PDE4D: variants seen among roughly 807,000 people sequenced by gnomAD.
The protein encoded by PDE4D is phosphodiesterase 4D.
PDE4D carries 24 observed loss-of-function variants against 87.4 expected under a neutral mutation model. The ratio of observed to expected loss-of-function variants is 0.27; its 90% CI spans 0.20 to 0.39. The LOEUF (loss-of-function observed/expected upper bound fraction) is 0.39, where lower values mean the gene tolerates loss of function less well. Among genes scored for constraint, PDE4D ranks in the 10% least tolerant of loss-of-function variants. The probability of loss-of-function intolerance (pLI) is 1.00; values close to 1 mark genes in which losing one functional copy is unlikely to be tolerated. For missense variants in PDE4D, 714 were observed against 1,041.0 expected, an observed-to-expected ratio of 0.69 and a Z score of 4.32; for synonymous variants, 384 against 383.2, an observed-to-expected ratio of 1.00 and a Z score of -0.02.
At chr5:59,933,969 G>A (rs1756276852) in intron 3 of PDE4D, among the ~76,000 whole-genome samples, 1 of 152,072 alleles carries the variant, frequency 6.6e-6, no homozygotes, top group Non-Finnish European at 1.5e-5. Context: ...GATTATAGAA[G>A]GTGAGGGTTT....
chr5:59,098,676 C>T (rs1169083436), intron 5 of PDE4D, among the ~76,000 whole-genome samples: 4 of 122,654 alleles, frequency 3.3e-5, no homozygotes, highest in African/African-American at 9.3e-5. Flanking sequence ...TACACTCCAG[C>T]CTGGGTGACA....
chr5:60,438,820 T>A (rs919274289), intron 1 of PDE4D, among the ~76,000 whole-genome samples: 2 of 151,912 alleles, frequency 1.3e-5, no homozygotes, highest in Non-Finnish European at 2.9e-5. Context: ...CAAAGTAGCA[T>A]TTTTTTTCCT....
chr5:59,109,002 T>TGTGTGTGTGG (rs1554071099), intron 5 of PDE4D, among the ~76,000 whole-genome samples: 2 of 143,296 alleles, frequency 1.4e-5, no homozygotes, highest in African/African-American at 5.2e-5. Context: ...TGTGTGTGTG[T>TGTGTGTGTGG]GGTGTAGGCC....
chr5:59,309,008 G>A (rs1011002933), intron 1 of PDE4D, among the ~76,000 whole-genome samples: 2 of 152,060 alleles, frequency 1.3e-5, no homozygotes, highest in African/African-American at 4.8e-5. Flanking sequence ...GAGTCATGCA[G>A]GTTGTCAGGG....
intron 2 of PDE4D, among the ~76,000 whole-genome samples, chr5:60,019,892 TA>T (rs1474235315): frequency 6.6e-6 from 1 of 152,082 alleles, no homozygotes; most frequent in African/African-American, 2.4e-5. Context: ...CAAGAACTTT[TA>T]TTTTTTTTTT....
chr5:60,477,755 T>C (rs77540604), intron 1 of PDE4D, among the ~76,000 whole-genome samples: 2,458 of 152,316 alleles, frequency 0.016, 34 homozygotes, highest in South Asian at 0.038. Context: ...ACAACTGGAC[T>C]TGCCCATGCT....
intron 1 of PDE4D, among the ~76,000 whole-genome samples, chr5:60,432,236 G>A (rs1274544690): frequency 6.6e-6 from 1 of 152,158 alleles, no homozygotes; most frequent in Non-Finnish European, 1.5e-5. Context: ...TTATGTCTTT[G>A]CTTTGTCTTT....
chr5:59,099,086 T>C (rs941743862), intron 5 of PDE4D, among the ~76,000 whole-genome samples: 4 of 152,222 alleles, frequency 2.6e-5, no homozygotes, highest in Non-Finnish European at 4.4e-5. Flanking sequence ...CTTTATTATA[T>C]TGGTTACTAA....
intron 1 of PDE4D, among the ~76,000 whole-genome samples, chr5:59,487,945 T>C (rs176705): frequency 6.6e-6 from 1 of 152,274 alleles, no homozygotes; most frequent in Non-Finnish European, 1.5e-5. Context: ...CTGTCTGCCA[T>C]AGTATTTCTT....
chr5:60,417,270 G>T (rs1172340687), intron 1 of PDE4D, among the ~76,000 whole-genome samples: 2 of 152,184 alleles, frequency 1.3e-5, no homozygotes, highest in African/African-American at 4.8e-5. Flanking sequence ...ACGGATGAGA[G>T]AACTGAGATT....
At chr5:60,095,052 TTTAC>T (rs1225492779) in intron 2 of PDE4D, among the ~76,000 whole-genome samples, 2 of 152,180 alleles carry the variant, frequency 1.3e-5, no homozygotes, top group East Asian at 1.9e-4. Flanking sequence ...TACTTATTTA[TTTAC>T]TTACTTATTA....
intron 1 of PDE4D, among the ~76,000 whole-genome samples, chr5:59,674,441 C>A (rs1747731829): frequency 6.6e-6 from 1 of 152,112 alleles, no homozygotes; most frequent in South Asian, 2.1e-4. Context: ...CTTCAATGAA[C>A]CAATAAATTA....
At chr5:59,529,915 A>G (rs1334065794) in intron 1 of PDE4D, among the ~76,000 whole-genome samples, 1 of 152,174 alleles carries the variant, frequency 6.6e-6, no homozygotes, top group Non-Finnish European at 1.5e-5. Flanking sequence ...AACATGCAAT[A>G]CTTGGTGTGT....
At chr5:60,128,830 C>T (rs964266528) in intron 2 of PDE4D, among the ~76,000 whole-genome samples, 3 of 152,182 alleles carry the variant, frequency 2.0e-5, no homozygotes, top group East Asian at 1.9e-4. Flanking sequence ...ATGATACAGA[C>T]AGAATGATCA....
intron 1 of PDE4D, among the ~76,000 whole-genome samples, chr5:60,400,888 T>C (rs1312691740): frequency 6.6e-6 from 1 of 152,190 alleles, no homozygotes; most frequent in African/African-American, 2.4e-5. Flanking sequence ...GCCGAGATCA[T>C]GTGGTATTGG....
chr5:60,483,722 G>A (rs1748911103), intron 1 of PDE4D, among the ~76,000 whole-genome samples: 1 of 152,158 alleles, frequency 6.6e-6, no homozygotes. Flanking sequence ...TACTACAAAT[G>A]AAATTGTTTC....
In PDE4D at chr5:59,035,349, T is replaced by A. The variant is rs2153389120; in HGVS notation, c.921+3510A>T. Reference sequence around the variant, plus strand: ...ATTAGAACTTCAGAATGTTCATGTCTGTATTATACCACAAAAACTGTAAAT... The same window carrying A: ...ATTAGAACTTCAGAATGTTCATGTCAGTATTATACCACAAAAACTGTAAAT... On this transcript the variant is annotated intron_variant, in intron 6 of 14. Coordinates refer to ENST00000340635, the MANE Select transcript of PDE4D (RefSeq NM_001104631.2). Among the ~76,000 whole-genome samples the A allele has an allele frequency of 2.0e-5, 3 of 152,354 alleles. No individual in the cohort carries two copies. In the Middle Eastern group the frequency reaches 0.01, roughly 518 times the overall value.
chr5:59,031,413 T>TAG (rs1757468951), intron 6 of PDE4D, among the ~76,000 whole-genome samples: 1 of 100,280 alleles, frequency 1.0e-5, no homozygotes, highest in African/African-American at 3.6e-5. Context: ...TATATATATA[T>TAG]ATAGATTATA....
chr5:60,394,574 T>A (rs771769334), intron 1 of PDE4D, among the ~76,000 whole-genome samples: 14 of 152,204 alleles, frequency 9.2e-5, no homozygotes, highest in Non-Finnish European at 1.8e-4. Flanking sequence ...TTACTGCAGT[T>A]TTAAGAGCTA....
Sources: gnomAD v4.1 joint callset for allele counts (sites outside exome capture counted in the v4.1 genomes callset) on GRCh38, gnomAD v4.1.1 for gene constraint, MANE v1.5 for transcripts, NCBI Gene and HGNC (gene_info 2026-07-23, HGNC 2026-07-21) for gene names.